The following WEE2 variants were observed in gnomAD, a reference collection of about 807,000 sequenced individuals.
WEE2 encodes WEE2 oocyte meiosis inhibiting kinase.
A neutral mutation model predicts 60.1 loss-of-function variants in WEE2; 50 were observed. The ratio of observed to expected loss-of-function variants is 0.83; its 90% CI spans 0.66 to 1.05. The LOEUF is 1.05. Ranked by LOEUF, WEE2 falls within the 50% of genes least tolerant of loss-of-function variation. WEE2 has a pLI of 0.00. For missense variants in WEE2, 631 were observed against 684.3 expected (o/e 0.92, Z 0.87); for synonymous variants, 240 against 241.0 (o/e 1.00, Z 0.04).
chr7:141,726,707 A>T (rs866195735), intron 9 of WEE2, among the ~76,000 whole-genome samples: 19 of 152,238 alleles, frequency 1.2e-4, no homozygotes, highest in Admixed American at 3.9e-4. Context: ...GGTAAGGGAA[A>T]TGGAGCTTCA....
In WEE2 at chr7:141,708,530, C is replaced by T. The variant is rs1056055412; in HGVS notation, c.-229C>T. The T allele has an allele frequency of 5.3e-6, 3 of 563,596 alleles. No homozygotes were observed. Among genetic ancestry groups the T allele is most frequent in the African/African-American group, 1.9e-5 (1 of 53,416 alleles). The allele number at this position is 563,596 out of a possible 1,614,324, so 34.9% of individuals were successfully genotyped here. A position where few individuals can be genotyped will look rare whatever the true frequency, so the allele number is the denominator to read the frequency against. On this transcript the variant is annotated 5_prime_UTR_variant, in exon 1 of 12. Coordinates refer to ENST00000397541, the MANE Select transcript of WEE2 (RefSeq NM_001105558.1). ...TTAATTGCTCCGAGAGTCACTGGAG[C>T]TTTCTTTAATCAGAATGGAAATCAG...
rs1219289535 is a variant in WEE2, at chr7:141,711,142, G to C, written c.342+2042G>C. Among the ~76,000 whole-genome samples, 1 of 152,194 alleles carries C rather than the reference G, an allele frequency of 6.6e-6. No individual in the cohort carries two copies. Among genetic ancestry groups the C allele is most frequent in the Non-Finnish European group, 1.5e-5 (1 of 68,042 alleles). ...TGACACTAAGGGATATATGGGTTTG[G>C]AGAAAAGCAGAGATGTGGTATAAAA... On this transcript the variant is annotated intron_variant, in intron 1 of 11. Coordinates refer to ENST00000397541, the MANE Select transcript of WEE2 (RefSeq NM_001105558.1). This position sits in a 1 kb window ranked among gnomAD's most constrained non-coding sequence, Gnocchi z 4.2.
At chr7:141,727,648 G>C in intron 10 of WEE2, 3 of 561,598 alleles carry the variant, frequency 5.3e-6, no homozygotes, top group Non-Finnish European at 5.9e-6. Context: ...GGTTGCTTGA[G>C]AGAGAAAATT....
chr7:141,721,622 C>T (rs1798912987), intron 5 of WEE2, among the ~76,000 whole-genome samples: 1 of 152,046 alleles, frequency 6.6e-6, no homozygotes, highest in Non-Finnish European at 1.5e-5. Context: ...CCATGCCTGG[C>T]TAATTTTTTG....
intron 10 of WEE2, 187 bp downstream of exon 10, chr7:141,727,633 G>A: frequency 1.6e-6 from 1 of 639,272 alleles, no homozygotes; most frequent in Non-Finnish European, 2.4e-6. Context: ...GAGGCTCTGT[G>A]ATTAGGTTGC....
At position 141,719,241 on chromosome 7, in the gene WEE2, ATGAG is replaced by A; in HGVS notation, c.758+3_758+6del. 1 of 1,606,006 alleles carries A rather than the reference ATGAG, an allele frequency of 6.2e-7. No individual in the cohort carries two copies. On this transcript the variant is annotated splice_donor_variant and coding_sequence_variant, in exon 4 of 12. Coordinates refer to ENST00000397541, the MANE Select transcript of WEE2 (RefSeq NM_001105558.1). LOFTEE classifies it high-confidence loss of function. ...ATGAAAACTTTTACAGAATTATCAA[ATGAG>A]TGAGTACCTTTGAAATGCACTAAAA... is the stretch of plus-strand genomic sequence containing the variant.
At chr7:141,714,533 TC>T in intron 2 of WEE2, 128 bp downstream of exon 2, 2 of 678,480 alleles carry the variant, frequency 2.9e-6, no homozygotes, top group Non-Finnish European at 4.8e-6. Context: ...TTACATATTC[TC>T]CCCTTCCTAG....
chr7:141,729,621 A>C lies in WEE2; in HGVS notation c.1626A>C (p.Arg542Ser), dbSNP rs374519552. 7.4e-6 allele frequency: 12 copies of C among 1,614,030 alleles called. No individual in the cohort carries two copies. The African/African-American group carries it at 1.3e-4, about 18-fold the overall frequency. ...TGVSGTHTGS[R>S]STKRLVGGKS... ...TCTCTGGGACCCACACAGGATCAAG[A>C]AGCACAAAACGCCTGGTGGGAGGAA... The change falls in exon 11 of 12, where the codon AGA becomes AGC. Residue 542 changes from arginine to serine, a missense_variant. Arg to Ser is a moderately radical substitution (Grantham distance 110). Coordinates refer to ENST00000397541, the MANE Select transcript of WEE2 (RefSeq NM_001105558.1).
chr7:141,710,996 A>G (rs1362953151), intron 1 of WEE2, among the ~76,000 whole-genome samples: 1 of 152,188 alleles, frequency 6.6e-6, no homozygotes, highest in African/African-American at 2.4e-5. Flanking sequence ...TTGAACAAAG[A>G]AGAGCCTGGA....
rs757733099 is a variant in WEE2 at position 141,729,524 on chromosome 7, A to C, written c.1536-7A>C. ...GTAGCCTTTGCTTTTTCTCCCTCGCACTTCAGGGAACTGAGAGAAGCCCAG... is the reference window on the plus strand; with the variant it reads ...GTAGCCTTTGCTTTTTCTCCCTCGCCCTTCAGGGAACTGAGAGAAGCCCAG... On this transcript the variant is annotated splice_region_variant and splice_polypyrimidine_tract_variant and intron_variant, in intron 10 of 11. Transcript: ENST00000397541. The C allele has an allele frequency of 1.9e-6, 3 of 1,614,068 alleles. No individual in the cohort carries two copies. Among genetic ancestry groups the C allele is most frequent in the Non-Finnish European group, 2.5e-6 (3 of 1,180,028 alleles).
chr7:141,712,430 G>A (rs566976175), intron 1 of WEE2, among the ~76,000 whole-genome samples: 1 of 152,072 alleles, frequency 6.6e-6, no homozygotes, highest in Non-Finnish European at 1.5e-5. Context: ...CCTCTCTAGA[G>A]CACATTTATA....
chr7:141,720,299 G>A (rs1234979092), intron 4 of WEE2, among the ~76,000 whole-genome samples: 1 of 151,878 alleles, frequency 6.6e-6, no homozygotes, highest in Admixed American at 6.6e-5. Context: ...GGGACTACAG[G>A]CATGTGCCAC....
intron 8 of WEE2, 103 bp downstream of exon 8, chr7:141,724,378 T>A: frequency 4.0e-6 from 4 of 993,648 alleles, no homozygotes; most frequent in Admixed American, 4.7e-5. Context: ...TTTATCATTA[T>A]AGTACCGCTC....
intron 1 of WEE2, among the ~76,000 whole-genome samples, chr7:141,713,422 G>A (rs1476371996): frequency 3.3e-5 from 5 of 152,040 alleles, no homozygotes; most frequent in African/African-American, 9.7e-5. Context: ...TTTTCCCTTC[G>A]CCCTTTGGTT....
intron 3 of WEE2, among the ~76,000 whole-genome samples, chr7:141,717,304 T>A (rs2117110095): frequency 6.6e-6 from 1 of 152,328 alleles, no homozygotes; most frequent in East Asian, 1.9e-4. Flanking sequence ...GTTAATATGT[T>A]AAAATGTTAG....
intron 4 of WEE2, among the ~76,000 whole-genome samples, chr7:141,719,496 G>T (rs1224795883): frequency 6.6e-6 from 1 of 152,114 alleles, no homozygotes; most frequent in Non-Finnish European, 1.5e-5. Context: ...CTGTCACCAG[G>T]CTAGAGTGCA....
intron 2 of WEE2, 128 bp downstream of exon 2, chr7:141,714,533 T>C: frequency 1.5e-6 from 1 of 678,480 alleles, no homozygotes; most frequent in Non-Finnish European, 2.4e-6. Flanking sequence ...TTACATATTC[T>C]CCCCTTCCTA....
At chr7:141,723,726 A>T (rs1455022765) in intron 6 of WEE2, among the ~76,000 whole-genome samples, 1 of 152,142 alleles carries the variant, frequency 6.6e-6, no homozygotes, top group Non-Finnish European at 1.5e-5. Context: ...CAGAGAATGG[A>T]GAATATATGA....
chr7:141,720,847 C>A, intron 4 of WEE2, 88 bp from the exon 5 acceptor site: 2 of 1,414,172 alleles, frequency 1.4e-6, no homozygotes, highest in Non-Finnish European at 2.0e-6. Context: ...TCTGCCATTG[C>A]TAGTAAAGCC....
Sources: allele counts gnomAD v4.1 joint callset (sites outside exome capture counted in the v4.1 genomes callset), GRCh38; gene constraint gnomAD v4.1.1; non-coding constraint Gnocchi (gnomAD v3.1); transcripts MANE v1.5; gene names NCBI Gene and HGNC (gene_info 2026-07-23, HGNC 2026-07-21).